COL5A1: variants seen among roughly 807,000 people sequenced by gnomAD.
The protein encoded by COL5A1 is collagen type V alpha 1 chain.
A neutral mutation model predicts 263.7 loss-of-function variants in COL5A1; 16 were observed. That is an observed-to-expected ratio of 0.06 (90% CI 0.04 to 0.09). The LOEUF (loss-of-function observed/expected upper bound fraction) is 0.09, where lower values mean the gene tolerates loss of function less well. Among genes scored for constraint, COL5A1 ranks in the 10% least tolerant of loss-of-function variants. The probability of loss-of-function intolerance (pLI) is 1.00; values close to 1 mark genes in which losing one functional copy is unlikely to be tolerated. For missense variants in COL5A1, 2,036 were observed against 2,540.5 expected, an observed-to-expected ratio of 0.80 and a Z score of 4.27; for synonymous variants, 1,012 against 1,004.5, an observed-to-expected ratio of 1.01 and a Z score of -0.14.
Position 134,818,624 on chromosome 9 carries a change from C to T in COL5A1, c.4231-32C>T, listed in dbSNP as rs761525198. On this transcript the variant is annotated intron_variant, in intron 54 of 65. Coordinates refer to ENST00000371817, the MANE Select transcript of COL5A1 (RefSeq NM_000093.5). This position sits in a 1 kb window ranked among gnomAD's most constrained non-coding sequence, Gnocchi z 6.0. ...CCAGGGTGCCTGGAGCCTAGAGCTC[C>T]GGACCTCATTCTGCCCTCCGCCGTC... 1.0e-5 allele frequency: 16 copies of T among 1,545,604 alleles called. No homozygotes were observed. Among genetic ancestry groups the T allele is most frequent in the East Asian group, 2.3e-5 (1 of 43,290 alleles).
intron 25 of COL5A1, among the ~76,000 whole-genome samples, chr9:134,768,738 G>A (rs999564800): frequency 2.0e-5 from 3 of 152,244 alleles, no homozygotes; most frequent in Non-Finnish European, 2.9e-5. Flanking sequence ...CGGAAGTCAG[G>A]CCTGCGTGCT....
At chr9:134,663,008 C>T (rs1267983907) in intron 1 of COL5A1, among the ~76,000 whole-genome samples, 5 of 152,228 alleles carry the variant, frequency 3.3e-5, no homozygotes, top group South Asian at 2.1e-4. Context: ...GCATTCAACT[C>T]GCCACACATT....
Position 134,824,800 on chromosome 9 carries a change from G to T in COL5A1, c.4899G>T (p.Gln1633His). 1 of 1,614,076 alleles carries T rather than the reference G, an allele frequency of 6.2e-7. No homozygotes were observed. Among genetic ancestry groups the T allele is most frequent in the Non-Finnish European group, 8.5e-7 (1 of 1,180,046 alleles). Residue 1633 changes from glutamine (Q) to histidine (H), a missense_variant, in exon 62 of 66, where the codon CAG becomes CAT. Gln to His is a conservative substitution (Grantham distance 24). This residue lies in a region of COL5A1 where 358 missense variants were observed against 384.6 expected (regional missense o/e 0.93). Transcript: ENST00000371817. ...TGAAACGGCCCCTGGGCACGCAGCA[G>T]AACCCCGCCCGCACCTGCAAGGACC... ...EQMKRPLGTQ[Q>H]NPARTCKDLQ...
chr9:134,671,402 GT>G (rs1832535911), intron 1 of COL5A1, among the ~76,000 whole-genome samples: 1 of 152,184 alleles, frequency 6.6e-6, no homozygotes, highest in Non-Finnish European at 1.5e-5. Flanking sequence ...CATGTAGCTG[GT>G]TTTGAGTCCA....
chr9:134,671,100 AT>A (rs111442762), intron 1 of COL5A1, among the ~76,000 whole-genome samples: 35,636 of 151,996 alleles, frequency 0.23, 5,265 homozygotes, highest in African/African-American at 0.42. Flanking sequence ...TTGCAGATGG[AT>A]TTTTTCAGTG....
rs1487202393 is a variant in COL5A1, at chr9:134,680,144, T to A, written c.110-10768T>A. Among the ~76,000 whole-genome samples the A allele has an allele frequency of 6.6e-6, 1 of 152,124 alleles. No homozygotes were observed. The highest frequency in any genetic ancestry group is 1.5e-5 in the Non-Finnish European group (1 of 68,000). ...GAGGCCCTTTGGACGGGCCCTTCAT[T>A]CTTCAGCAAGGAATGATGAGCTGGG... is the stretch of plus-strand genomic sequence containing the variant. On this transcript the variant is annotated intron_variant, in intron 1 of 65. Coordinates refer to ENST00000371817, the MANE Select transcript of COL5A1 (RefSeq NM_000093.5). This position sits in a 1 kb window ranked among gnomAD's most constrained non-coding sequence, Gnocchi z 5.9.
In COL5A1 at chr9:134,681,456, C is replaced by T. The variant is rs942503411; in HGVS notation, c.110-9456C>T. Reference sequence around the variant, plus strand: ...GGAGACACACGCTGCCCATGGAACACACATAGCAGGGATATGGTTCCAGTG... The same window carrying T: ...GGAGACACACGCTGCCCATGGAACATACATAGCAGGGATATGGTTCCAGTG... On this transcript the variant is annotated intron_variant, in intron 1 of 65. Transcript: ENST00000371817. The surrounding 1 kb of genome is among the most constrained non-coding windows in gnomAD (Gnocchi z 4.3). Among the ~76,000 whole-genome samples, 25 of 152,238 alleles carry T rather than the reference C, an allele frequency of 1.6e-4. No homozygotes were observed. Among genetic ancestry groups the T allele is most frequent in the African/African-American group, 6.0e-4 (25 of 41,464 alleles).
Position 134,754,423 on chromosome 9 carries a change from A to C in COL5A1, c.1827+97A>C. The C allele has an allele frequency of 7.2e-7, 1 of 1,390,862 alleles. No homozygotes were observed. Among genetic ancestry groups the C allele is most frequent in the Non-Finnish European group, 1.0e-6 (1 of 979,062 alleles). 86.2% of individuals were successfully genotyped at this position (1,390,862 alleles called of 1,614,324 possible). On this transcript the variant is annotated intron_variant, in intron 16 of 65. Coordinates refer to ENST00000371817, the MANE Select transcript of COL5A1 (RefSeq NM_000093.5). This position sits in a 1 kb window ranked among gnomAD's most constrained non-coding sequence, Gnocchi z 4.3. ...GGCACCCCCAACAGCCAGCTGGGCC[A>C]CATGAAGCCAGGTGGCTCCCCTTCT... is the stretch of plus-strand genomic sequence containing the variant.
chr9:134,832,400 C>T (rs1218985419), intron 64 of COL5A1, among the ~76,000 whole-genome samples: 4 of 151,596 alleles, frequency 2.6e-5, no homozygotes, highest in Non-Finnish European at 5.9e-5. Context: ...GGTGAGACTC[C>T]GTCTCCAAAA....
chr9:134,677,482 G>T lies in COL5A1; in HGVS notation c.110-13430G>T, dbSNP rs187588969. The stretch of plus-strand genomic sequence containing the variant: ...AATCCAGTGCATCCAGTAGAGAGAG[G>T]CCATGTGCAAATGCTCAGGTTCGTG... On this transcript the variant is annotated intron_variant, in intron 1 of 65. Transcript: ENST00000371817. The surrounding 1 kb of genome is among the most constrained non-coding windows in gnomAD (Gnocchi z 4.4). 2.2e-4 allele frequency among the ~76,000 whole-genome samples: 33 copies of T among 152,278 alleles called. No individual in the cohort carries two copies. Among genetic ancestry groups the T allele is most frequent in the Admixed American group, 2.2e-3 (33 of 15,308 alleles).
chr9:134,749,027 A>G (rs1835679078), intron 11 of COL5A1, among the ~76,000 whole-genome samples: 1 of 152,250 alleles, frequency 6.6e-6, no homozygotes, highest in Non-Finnish European at 1.5e-5. Flanking sequence ...TCACGAGGTC[A>G]GGAGTTCAAG....
intron 1 of COL5A1, among the ~76,000 whole-genome samples, chr9:134,663,411 G>A (rs897825255): frequency 6.6e-6 from 1 of 152,166 alleles, no homozygotes; most frequent in African/African-American, 2.4e-5. Flanking sequence ...CAGAGGCCTC[G>A]GGAGTCTGCT....
intron 65 of COL5A1, 95 bp downstream of exon 65, chr9:134,835,299 C>A: frequency 8.6e-7 from 1 of 1,167,794 alleles, no homozygotes; most frequent in Non-Finnish European, 1.2e-6. Flanking sequence ...AAGATGCCTG[C>A]CAGAGGGCAG....
rs573082111 is a variant in COL5A1 at position 134,708,812 on chromosome 9, G to C, written c.654+7479G>C. The C allele has an allele frequency of 5.5e-5, 25 of 456,858 alleles. 1 individual carries two copies. Among genetic ancestry groups the C allele is most frequent in the South Asian group, 3.7e-4 (24 of 64,606 alleles). 28.3% of individuals were successfully genotyped at this position (456,858 alleles called of 1,614,324 possible). ...TTTATCCTCTCCCAGCTCTGGGCCAGAATTCCAAGATCGAGGTGTGGGCGG... is the reference window on the plus strand; with the variant it reads ...TTTATCCTCTCCCAGCTCTGGGCCACAATTCCAAGATCGAGGTGTGGGCGG... On this transcript the variant is annotated intron_variant, in intron 4 of 65. Coordinates refer to ENST00000371817, the MANE Select transcript of COL5A1 (RefSeq NM_000093.5).
chr9:134,684,975 TAATTCATC>T (rs1832966504), intron 1 of COL5A1, among the ~76,000 whole-genome samples: 1 of 73,070 alleles, frequency 1.4e-5, no homozygotes. Flanking sequence ...ATCCATCCAT[TAATTCATC>T]CATCCATCCA....
rs191258791 is a variant in COL5A1 at position 134,678,263 on chromosome 9, T to C, written c.110-12649T>C. Among the ~76,000 whole-genome samples the C allele has an allele frequency of 2.4e-4, 37 of 152,320 alleles. No homozygotes were observed. The highest frequency in any genetic ancestry group is 1.7e-3 in the Admixed American group (26 of 15,302). On this transcript the variant is annotated intron_variant, in intron 1 of 65. Coordinates refer to ENST00000371817, the MANE Select transcript of COL5A1 (RefSeq NM_000093.5). This position sits in a 1 kb window ranked among gnomAD's most constrained non-coding sequence, Gnocchi z 5.5. ...TGCTCTACCTCTCTCACGCTGAGTT[T>C]CCTCATGTACCAGTGAAGGGGCCGA...
intron 11 of COL5A1, among the ~76,000 whole-genome samples, chr9:134,748,612 C>T (rs911633431): frequency 1.1e-4 from 16 of 152,184 alleles, no homozygotes; most frequent in Admixed American, 3.9e-4. Context: ...TTTTTAAACA[C>T]GATTTTTGTC....
intron 9 of COL5A1, among the ~76,000 whole-genome samples, chr9:134,735,975 G>C (rs935835015): frequency 2.0e-5 from 3 of 152,252 alleles, no homozygotes; most frequent in Non-Finnish European, 2.9e-5. Context: ...CTGGTGGCCT[G>C]TGGCCTGGCT....
rs1343097484 is a variant in COL5A1 at position 134,680,284 on chromosome 9, T to A, written c.110-10628T>A. Among the ~76,000 whole-genome samples, 1 of 152,126 alleles carries A rather than the reference T, an allele frequency of 6.6e-6. No homozygotes were observed. The highest frequency in any genetic ancestry group is 1.9e-4 in the East Asian group (1 of 5,178). On this transcript the variant is annotated intron_variant, in intron 1 of 65. Coordinates refer to ENST00000371817, the MANE Select transcript of COL5A1 (RefSeq NM_000093.5). The surrounding 1 kb of genome is among the most constrained non-coding windows in gnomAD (Gnocchi z 5.9). The stretch of plus-strand genomic sequence containing the variant: ...GGCTACAGGCCATTTTCTCACCCTG[T>A]GAAACACTGCGGGTCGGTGCACAGG...
Sources: gnomAD v4.1 joint callset for allele counts (sites outside exome capture counted in the v4.1 genomes callset) on GRCh38, gnomAD v4.1.1 for gene constraint, gnomAD v4.1.1 regional missense constraint, Gnocchi (gnomAD v3.1) non-coding constraint, MANE v1.5 for transcripts, NCBI Gene and HGNC (gene_info 2026-07-23, HGNC 2026-07-21) for gene names.